CORO2B: variants seen among roughly 807,000 people sequenced by gnomAD.
CORO2B encodes the protein coronin-2B.
CORO2B carries 26 observed loss-of-function variants against 58.8 expected under a neutral mutation model. The ratio of observed to expected loss-of-function variants is 0.44; its 90% confidence interval spans 0.32 to 0.61. The LOEUF (loss-of-function observed/expected upper bound fraction) is 0.61, where lower values mean the gene tolerates loss of function less well. CORO2B is among the 20% of genes least tolerant of loss of function. The pLI is 0.04. For synonymous variants in CORO2B, 242 were observed against 253.8 expected (o/e 0.95, Z 0.44); for missense variants, 460 against 645.1 (o/e 0.71, Z 3.11).
intron 3 of CORO2B, among the ~76,000 whole-genome samples, chr15:68,702,821 CTTTTTTTTT>C (rs113249272): frequency 5.2e-5 from 5 of 96,256 alleles, no homozygotes; most frequent in Non-Finnish European, 9.6e-5. Flanking sequence ...TTTTCTTTTT[CTTTTTTTTT>C]TTTTTTTTTT....
At chr15:68,544,577 G>A in the CORO2B span, among the ~76,000 whole-genome samples, 2 of 152,144 alleles carry the variant, frequency 1.3e-5, no homozygotes, top group East Asian at 3.9e-4. Context: ...TTACCACCAG[G>A]AGGCAGGTTG....
intron 2 of CORO2B, among the ~76,000 whole-genome samples, chr15:68,687,790 G>A (rs779261825): frequency 2.0e-5 from 3 of 152,180 alleles, no homozygotes; most frequent in Non-Finnish European, 4.4e-5. Context: ...GAAGGTGGAG[G>A]GCAAGAGAGA....
At chr15:68,586,912 G>C (rs544200936) in intron 1 of CORO2B, among the ~76,000 whole-genome samples, 58 of 152,288 alleles carry the variant, frequency 3.8e-4, no homozygotes, top group African/African-American at 1.3e-3. Context: ...TTTTCCAAAA[G>C]GAAACTTTGC....
At chr15:68,595,627 G>A (rs1015978715) in intron 1 of CORO2B, among the ~76,000 whole-genome samples, 1 of 152,170 alleles carries the variant, frequency 6.6e-6, no homozygotes, top group Non-Finnish European at 1.5e-5. Flanking sequence ...TGGACTTCAT[G>A]AGTGGTAAAG....
the CORO2B span, among the ~76,000 whole-genome samples, chr15:68,565,742 C>T: frequency 1.3e-5 from 2 of 152,200 alleles, no homozygotes; most frequent in African/African-American, 4.8e-5. Flanking sequence ...GGAACCAGGC[C>T]TGCCTCATGC....
chr15:68,526,148 AATTT>A, the CORO2B span, among the ~76,000 whole-genome samples: 16 of 152,170 alleles, frequency 1.1e-4, no homozygotes, highest in African/African-American at 1.9e-4. Flanking sequence ...CATGTACCAC[AATTT>A]ATTTATCCAC....
intron 1 of CORO2B, among the ~76,000 whole-genome samples, chr15:68,614,160 C>T (rs1390195641): frequency 1.3e-5 from 2 of 152,156 alleles, no homozygotes; most frequent in Non-Finnish European, 2.9e-5. Context: ...GTCTCTGTGC[C>T]AGGGAGAACC....
upstream of CORO2B, among the ~76,000 whole-genome samples, chr15:68,575,577 G>GCCTCCCCC (rs1555409337): frequency 2.6e-5 from 1 of 38,752 alleles, no homozygotes; most frequent in African/African-American, 6.6e-5. Context: ...CTTGTGATCT[G>GCCTCCCCC]CCCCCGCCTC....
In CORO2B at chr15:68,710,257, C is replaced by T. The variant is rs1892882178; in HGVS notation, c.334-475C>T. On this transcript the variant is annotated intron_variant, in intron 3 of 11. Transcript: ENST00000261861. This position sits in a 1 kb window ranked among gnomAD's most constrained non-coding sequence, Gnocchi z 4.1. ...CCCCTCAGCCTCCCAGATGCAGTTC[C>T]CCCTGCCCAGGGGTCCATCCTGGGT... is the stretch of plus-strand genomic sequence containing the variant. Among the ~76,000 whole-genome samples the T allele has an allele frequency of 6.6e-6, 1 of 152,202 alleles. No homozygotes were observed. The highest frequency in any genetic ancestry group is 1.5e-5 in the Non-Finnish European group (1 of 68,030).
chr15:68,561,383 C>T, the CORO2B span, among the ~76,000 whole-genome samples: 1 of 152,148 alleles, frequency 6.6e-6, no homozygotes, highest in South Asian at 2.1e-4. Flanking sequence ...CCCTCCCTCC[C>T]CGACTCTCCC....
At chr15:68,711,095 T>C (rs1480593348) in intron 4 of CORO2B, among the ~76,000 whole-genome samples, 1 of 152,224 alleles carries the variant, frequency 6.6e-6, no homozygotes, top group Non-Finnish European at 1.5e-5. Flanking sequence ...AGGCATCTTT[T>C]CTGCCTTCTC....
chr15:68,575,940 G>A (rs1282595954), upstream of CORO2B, among the ~76,000 whole-genome samples: 6 of 151,506 alleles, frequency 4.0e-5, no homozygotes, highest in Non-Finnish European at 8.8e-5. Flanking sequence ...AGGTCACAAG[G>A]TCAGGAGTTC....
intron 3 of CORO2B, among the ~76,000 whole-genome samples, chr15:68,708,029 G>T (rs908342303): frequency 6.6e-6 from 1 of 152,170 alleles, no homozygotes; most frequent in Non-Finnish European, 1.5e-5. Context: ...TGACAATGGG[G>T]ATGGGAAAAT....
intron 1 of CORO2B, among the ~76,000 whole-genome samples, chr15:68,590,403 T>A (rs1040896385): frequency 1.3e-5 from 2 of 152,034 alleles, no homozygotes; most frequent in African/African-American, 4.8e-5. Context: ...GGTACCCCCA[T>A]AACTCTGCTG....
intron 3 of CORO2B, among the ~76,000 whole-genome samples, chr15:68,696,557 C>CAGAAA (rs1555417373): frequency 9.1e-6 from 1 of 110,054 alleles, no homozygotes; most frequent in Non-Finnish European, 1.8e-5. Context: ...GACTCTGCCT[C>CAGAAA]AAAAAAAAAA....
intron 2 of CORO2B, among the ~76,000 whole-genome samples, chr15:68,681,419 C>T (rs1408553979): frequency 1.3e-5 from 2 of 151,710 alleles, no homozygotes; most frequent in Non-Finnish European, 2.9e-5. Context: ...ATTTGGGGGC[C>T]ATATTTTCCC....
intron 1 of CORO2B, among the ~76,000 whole-genome samples, chr15:68,608,361 TCTCC>T (rs1261511652): frequency 6.6e-6 from 1 of 152,112 alleles, no homozygotes; most frequent in East Asian, 1.9e-4. Context: ...CAAGGCAAGT[TCTCC>T]CTCCCCCACA....
At chr15:68,670,388 G>A (rs1473226753) in intron 2 of CORO2B, among the ~76,000 whole-genome samples, 1 of 148,516 alleles carries the variant, frequency 6.7e-6, no homozygotes, top group Non-Finnish European at 1.5e-5. Flanking sequence ...GTGTTGTCTA[G>A]GCTGATCTCT....
chr15:68,546,010 CT>C, the CORO2B span, among the ~76,000 whole-genome samples: 1 of 152,196 alleles, frequency 6.6e-6, no homozygotes, highest in Non-Finnish European at 1.5e-5. Flanking sequence ...TGCCCTCCCC[CT>C]TTTGCCAACT....
Sources: allele counts gnomAD v4.1 joint callset (sites outside exome capture counted in the v4.1 genomes callset), GRCh38; gene constraint gnomAD v4.1.1; non-coding constraint Gnocchi (gnomAD v3.1); transcripts MANE v1.5; gene names NCBI Gene and HGNC (gene_info 2026-07-23, HGNC 2026-07-21).